The following RGL3 variants were observed in gnomAD, a reference collection of about 807,000 sequenced individuals.
The protein encoded by RGL3 is ral guanine nucleotide dissociation stimulator like 3, also known as ral guanine nucleotide dissociation stimulator-like 3.
RGL3 carries 85 observed loss-of-function variants against 90.6 expected under a neutral mutation model. The observed-to-expected ratio is 0.94, with a 90% CI of 0.79 to 1.12. The LOEUF is 1.12. Ranked by LOEUF, RGL3 falls within the 50% of genes most tolerant of loss-of-function variation. The pLI is 0.00. For missense variants in RGL3, 1,034 were observed against 939.2 expected (o/e 1.10, Z -1.32); for synonymous variants, 408 against 385.5 (o/e 1.06, Z -0.68).
In RGL3 at chr19:11,406,592, C is replaced by G; in HGVS notation, c.823G>C (p.Val275Leu). The change falls in exon 7 of 19, where the codon GTG becomes CTG. Residue 275 changes from valine (V) to leucine (L), a missense_variant. Val to Leu is a conservative substitution (Grantham distance 32, BLOSUM62 1). Coordinates refer to ENST00000380456, the MANE Select transcript of RGL3 (RefSeq NM_001035223.4). Reference protein sequence around the residue: ...KVRLYECLGSVWSQRDRPGAA... With the variant: ...KVRLYECLGSLWSQRDRPGAA... ...CCCGGCCGGTCCCTCTGCGACCACA[C>G]GGAGCCCAAGCACTCGTAGAGCCTC... is the stretch of plus-strand genomic sequence containing the variant. 6.4e-7 allele frequency: 1 copy of G among 1,552,882 alleles called. No individual in the cohort carries two copies. Among genetic ancestry groups the G allele is most frequent in the African/African-American group, 1.4e-5 (1 of 73,348 alleles).
chr19:11,402,674 G>C lies in RGL3; in HGVS notation c.1218C>G (p.Asp406Glu). 6.2e-7 allele frequency: 1 copy of C among 1,613,936 alleles called. No homozygotes were observed. Among genetic ancestry groups the C allele is most frequent in the Non-Finnish European group, 8.5e-7 (1 of 1,179,930 alleles). ...EEATEGSQEE[D>E]NTPGSLPSKP... Reference sequence around the variant, plus strand: ...CTGAGGGCAGGCTGCCTGGGGTGTTGTCCTCTTCTTGGGATCCCTCAGTGG... The same window carrying C: ...CTGAGGGCAGGCTGCCTGGGGTGTTCTCCTCTTCTTGGGATCCCTCAGTGG... The change falls in exon 10 of 19, where the codon GAC (aspartate) becomes GAG (glutamate). Residue 406 changes from aspartate to glutamate, a missense_variant. By Grantham distance (45) the Asp-to-Glu change is conservative. Coordinates refer to ENST00000380456, the MANE Select transcript of RGL3 (RefSeq NM_001035223.4).
intron 18 of RGL3, 67 bp downstream of exon 18, chr19:11,397,177 T>G (rs1968588088): frequency 7.3e-7 from 1 of 1,363,068 alleles, no homozygotes; most frequent in Non-Finnish European, 1.0e-6. Context: ...GCTCCATCCT[T>G]GGGCGTGGTC....
intron 5 of RGL3, chr19:11,411,423 C>G (rs904320275): frequency 7.2e-5 from 11 of 152,054 alleles, no homozygotes; most frequent in African/African-American, 2.2e-4. Flanking sequence ...AGGCATGTGC[C>G]ACAACACCTG....
chr19:11,402,164 G>GGGCCCC, intron 12 of RGL3, 32 bp from the exon 13 acceptor site: 1 of 1,585,714 alleles, frequency 6.3e-7, no homozygotes, highest in Non-Finnish European at 8.6e-7. Context: ...CCCTACCCCT[G>GGGCCCC]CCCCACCCCC....
Position 11,415,943 on chromosome 19 carries a change from A to G in RGL3, c.631T>C (p.Trp211Arg). ...GGATCTGAAAACCCCTCACCTGTCCACACCTGAGGCGGCTCCTCTTCCTGC... is the reference window on the plus strand; with the variant it reads ...GGATCTGAAAACCCCTCACCTGTCCGCACCTGAGGCGGCTCCTCTTCCTGC... ...REQEEEPPQV[W>R]TGPPRVAQTS... is the part of the protein sequence containing the mutation. Residue 211 changes from tryptophan to arginine, a missense_variant, in exon 5 of 19, where the codon TGG (tryptophan) becomes CGG (arginine). Physicochemically the swap from Trp to Arg is moderately radical, Grantham distance 101 (BLOSUM62 -3). Transcript: ENST00000380456. The G allele has an allele frequency of 6.2e-7, 1 of 1,612,766 alleles. No individual in the cohort carries two copies. The highest frequency in any genetic ancestry group is 8.5e-7 in the Non-Finnish European group (1 of 1,179,430).
intron 5 of RGL3, among the ~76,000 whole-genome samples, chr19:11,415,164 A>C (rs1968971566): frequency 6.6e-6 from 1 of 151,700 alleles, no homozygotes; most frequent in Non-Finnish European, 1.5e-5. Context: ...AAATTAAATT[A>C]AATTAAATTT....
At chr19:11,407,876 G>A (rs139037971) in intron 5 of RGL3, among the ~76,000 whole-genome samples, 4,882 of 152,128 alleles carry the variant, frequency 0.032, 165 homozygotes, top group East Asian at 0.17. Context: ...TGTAGAGACA[G>A]GGTTTCACCA....
Position 11,405,422 on chromosome 19 carries a change from C to T in RGL3, c.1001G>A (p.Cys334Tyr). 1 of 1,507,330 alleles carries T rather than the reference C, an allele frequency of 6.6e-7. No homozygotes were observed. Among genetic ancestry groups the T allele is most frequent in the Non-Finnish European group, 9.0e-7 (1 of 1,116,506 alleles). 93.4% of individuals were successfully genotyped at this position (1,507,330 alleles called of 1,614,324 possible). A position where few individuals can be genotyped will look rare whatever the true frequency, so the allele number is the denominator to read the frequency against. ...GGAGGAGAAGTTCCGCAGTTCTCGG[C>T]AGCGCTGCCAGGCGGTGGGGACGCA... ...LEKWIRIAQR[C>Y]RELRNFSSLR... The change falls in exon 8 of 19, where the codon TGC becomes TAC. Residue 334 changes from cysteine to tyrosine, a missense_variant. Cys to Tyr is a radical substitution (Grantham distance 194). Coordinates refer to ENST00000380456, the MANE Select transcript of RGL3 (RefSeq NM_001035223.4).
chr19:11,406,962 T>A, intron 5 of RGL3, 98 bp from the exon 6 acceptor site: 1 of 1,236,462 alleles, frequency 8.1e-7, no homozygotes, highest in Non-Finnish European at 1.1e-6. Context: ...CTCACTTTCC[T>A]CATTTGTAAA....
intron 18 of RGL3, among the ~76,000 whole-genome samples, chr19:11,395,926 C>T (rs1339664720): frequency 7.3e-6 from 1 of 136,364 alleles, no homozygotes; most frequent in Admixed American, 7.1e-5. Flanking sequence ...CATGCCCGGC[C>T]CCCTTTTTTT....
rs1245648891 is a variant in RGL3, at chr19:11,406,405, C to A, written c.996+14G>T. 2 of 1,525,448 alleles carry A rather than the reference C, an allele frequency of 1.3e-6. No individual in the cohort carries two copies. The highest frequency in any genetic ancestry group is 2.5e-5 in the East Asian group (1 of 40,650). The allele number at this position is 1,525,448 out of a possible 1,614,324, so 94.5% of individuals were successfully genotyped here. ...GGCCCGCCCCCGCATCCCCTCTCCGCGCCCGCAACACACCTGGGCGATGCG... is the reference window on the plus strand; with the variant it reads ...GGCCCGCCCCCGCATCCCCTCTCCGAGCCCGCAACACACCTGGGCGATGCG... On this transcript the variant is annotated intron_variant, in intron 7 of 18. Transcript: ENST00000380456.
intron 18 of RGL3, among the ~76,000 whole-genome samples, chr19:11,396,253 C>T (rs1335178599): frequency 2.8e-5 from 4 of 143,536 alleles, no homozygotes; most frequent in African/African-American, 1.0e-4. Context: ...CTGCAACCTC[C>T]GCCTCCTGGG....
intron 4 of RGL3, 68 bp from the exon 5 acceptor site, chr19:11,416,216 CTTTTTTTTTTTT>C (rs143904966): frequency 3.2e-6 from 2 of 629,274 alleles, no homozygotes; most frequent in Admixed American, 8.1e-5. Flanking sequence ...CTCCTGGTAC[CTTTTTTTTTTTT>C]TTTTTTTTGA....
chr19:11,394,860 T>C (rs1968537203), intron 18 of RGL3, among the ~76,000 whole-genome samples: 1 of 151,718 alleles, frequency 6.6e-6, no homozygotes, highest in African/African-American at 2.4e-5. Flanking sequence ...GAGGCCGAAG[T>C]GGGTGGATCA....
rs998477002 is a variant in RGL3 at position 11,405,577 on chromosome 19, G to A, written c.997-151C>T. On this transcript the variant is annotated intron_variant, in intron 7 of 18. Transcript: ENST00000380456. ...CTGTGGCCCAGGCTGGAGTGCAGTG[G>A]CTCGATCATAGCTCACTTGCTGCCT... 4 of 637,036 alleles carry A rather than the reference G, an allele frequency of 6.3e-6. No homozygotes were observed. The Admixed American group carries it at 1.4e-4, about 23-fold the overall frequency. The allele number at this position is 637,036 out of a possible 1,614,324, so 39.5% of individuals were successfully genotyped here.
intron 16 of RGL3, 46 bp downstream of exon 16, chr19:11,399,809 C>T: frequency 1.9e-6 from 2 of 1,080,762 alleles, no homozygotes; most frequent in Non-Finnish European, 2.7e-6. Context: ...ACACACAGAG[C>T]CTGGGTGCCC....
At chr19:11,402,566 C>T (rs1268919941) in intron 10 of RGL3, 25 bp from the exon 11 acceptor site, 1 of 1,607,652 alleles carries the variant, frequency 6.2e-7, no homozygotes, top group East Asian at 2.2e-5. Flanking sequence ...GCTCCAGTCA[C>T]TTGGGGCCAT....
chr19:11,402,250 G>A lies in RGL3; in HGVS notation c.1330-3C>T. On this transcript the variant is annotated splice_region_variant and splice_polypyrimidine_tract_variant and intron_variant, in intron 11 of 18. Coordinates refer to ENST00000380456, the MANE Select transcript of RGL3 (RefSeq NM_001035223.4). ...TTCTCAAAGTTAATGAGATCCCCCT[G>A]GGGGCAAAGTGTGTCTGAATTGCAG... The A allele has an allele frequency of 3.1e-6, 5 of 1,613,322 alleles. No individual in the cohort carries two copies. The highest frequency in any genetic ancestry group is 4.2e-6 in the Non-Finnish European group (5 of 1,179,954).
Position 11,417,069 on chromosome 19 carries a change from G to T in RGL3, c.148-10C>A. ...CAATGGGGCTGGGAGCCTGCAGGAG[G>T]GGAGAGGTGGCCATGAGAGAGCAGG... On this transcript the variant is annotated splice_polypyrimidine_tract_variant and intron_variant, in intron 2 of 18. Coordinates refer to ENST00000380456, the MANE Select transcript of RGL3 (RefSeq NM_001035223.4). The T allele has an allele frequency of 6.3e-7, 1 of 1,581,248 alleles. No individual in the cohort carries two copies. Among genetic ancestry groups the T allele is most frequent in the Non-Finnish European group, 8.6e-7 (1 of 1,162,476 alleles).
Sources: gnomAD v4.1 joint callset for allele counts (sites outside exome capture counted in the v4.1 genomes callset) on GRCh38, gnomAD v4.1.1 for gene constraint, MANE v1.5 for transcripts, NCBI Gene and HGNC (gene_info 2026-07-23, HGNC 2026-07-21) for gene names.